Variants in IQCB1 observed in about 807,000 individuals in gnomAD.
IQCB1 encodes IQ calmodulin-binding motif-containing protein 1.
IQCB1 carries 56 observed loss-of-function variants against 84.4 expected under a neutral mutation model. The ratio of observed to expected loss-of-function variants is 0.66; its 90% confidence interval spans 0.54 to 0.83. The LOEUF (loss-of-function observed/expected upper bound fraction) is 0.83. Among genes scored for constraint, IQCB1 ranks in the 40% least tolerant of loss-of-function variants. IQCB1 has a pLI of 0.00. For synonymous variants in IQCB1, 210 were observed against 234.8 expected (o/e 0.89, Z 0.96); for missense variants, 629 against 682.1 (o/e 0.92, Z 0.87).
chr3:121,826,170 C>CA lies in IQCB1; in HGVS notation c.273dup (p.Val92CysfsTer15), dbSNP rs1201853761. Reference sequence around the variant, plus strand: ...GCATCTTCTCCTGGCTCCAAGCCCACACAGCAATGGCTGAAATAAGAGCAC... The same window carrying CA: ...GCATCTTCTCCTGGCTCCAAGCCCACAACAGCAATGGCTGAAATAAGAGCAC... On this transcript the variant is annotated frameshift_variant, in exon 5 of 15. Transcript: ENST00000310864. LOFTEE classifies it high-confidence loss of function. 6 of 1,613,902 alleles carry CA rather than the reference C, an allele frequency of 3.7e-6. No homozygotes were observed. Among genetic ancestry groups the CA allele is most frequent in the Non-Finnish European group, 5.1e-6 (6 of 1,179,840 alleles).
At position 121,799,468 on chromosome 3, in the gene IQCB1, G is replaced by A. The variant is rs77787916; in HGVS notation, c.588-94C>T. 80,484 of 776,964 alleles carry A rather than the reference G, an allele frequency of 0.1. 4,574 individuals carry two copies. The highest frequency in any genetic ancestry group is 0.16 in the South Asian group (9,799 of 62,130). 48.1% of individuals were successfully genotyped at this position (776,964 alleles called of 1,614,324 possible). On this transcript the variant is annotated intron_variant, in intron 7 of 14. Transcript: ENST00000310864. Reference sequence around the variant, plus strand: ...ATATAAGATTCAGTAACTTGATGCCGGACTGTGTCCTGATCCAAGAATATA... The same window carrying A: ...ATATAAGATTCAGTAACTTGATGCCAGACTGTGTCCTGATCCAAGAATATA...
chr3:121,824,970 A>G (rs1950411689), intron 5 of IQCB1, among the ~76,000 whole-genome samples: 1 of 152,124 alleles, frequency 6.6e-6, no homozygotes, highest in Admixed American at 6.5e-5. Context: ...ATTAAATAAA[A>G]CCTGTGCATA....
intron 5 of IQCB1, 35 bp from the exon 6 acceptor site, chr3:121,809,044 A>G (rs778658384): frequency 7.8e-6 from 10 of 1,290,176 alleles, no homozygotes. Flanking sequence ...TTACTTTTCT[A>G]TAGTTTTTTT....
In IQCB1 at chr3:121,826,192, G is replaced by A. The variant is rs376353341; in HGVS notation, c.264-12C>T. On this transcript the variant is annotated splice_polypyrimidine_tract_variant and intron_variant, in intron 4 of 14. Coordinates refer to ENST00000310864, the MANE Select transcript of IQCB1 (RefSeq NM_001023570.4). ...CCACACAGCAATGGCTGAAATAAGA[G>A]CACAAGTTCGTGTTAATTAGAAGTT... 1.2e-6 allele frequency: 2 copies of A among 1,613,086 alleles called. No individual in the cohort carries two copies. Among genetic ancestry groups the A allele is most frequent in the African/African-American group, 2.7e-5 (2 of 74,920 alleles).
chr3:121,783,417 G>T (rs949064677), intron 12 of IQCB1, among the ~76,000 whole-genome samples: 4 of 151,690 alleles, frequency 2.6e-5, no homozygotes, highest in Admixed American at 6.6e-5. Flanking sequence ...CATAATTTTA[G>T]TTAAATTAAT....
intron 5 of IQCB1, among the ~76,000 whole-genome samples, chr3:121,818,759 C>T (rs543172925): frequency 5.8e-4 from 88 of 151,880 alleles, no homozygotes; most frequent in Non-Finnish European, 1.0e-3. Flanking sequence ...AAGATGACCA[C>T]GAATAAGAAC....
At chr3:121,775,109 T>A (rs967683238) in intron 13 of IQCB1, among the ~76,000 whole-genome samples, 3 of 152,178 alleles carry the variant, frequency 2.0e-5, no homozygotes, top group Admixed American at 2.0e-4. Flanking sequence ...ATCTGTTTGT[T>A]GGAGAGGAGG....
intron 2 of IQCB1, among the ~76,000 whole-genome samples, chr3:121,832,866 A>C (rs546252857): frequency 1.3e-5 from 2 of 152,376 alleles, no homozygotes; most frequent in South Asian, 4.1e-4. Context: ...AAATGCACAC[A>C]GTAGTCATAA....
chr3:121,789,174 C>T (rs1201810203), intron 11 of IQCB1, among the ~76,000 whole-genome samples: 1 of 152,080 alleles, frequency 6.6e-6, no homozygotes, highest in African/African-American at 2.4e-5. Flanking sequence ...AGGCAGTTGG[C>T]TACAGAGGTG....
At position 121,795,335 on chromosome 3, in the gene IQCB1, A is replaced by G. The variant is rs1949135394; in HGVS notation, c.986+122T>C. 10 of 709,424 alleles carry G rather than the reference A, an allele frequency of 1.4e-5. No homozygotes were observed. In the Admixed American group the frequency reaches 1.7e-4, roughly 12 times the overall value. 43.9% of individuals were successfully genotyped at this position (709,424 alleles called of 1,614,324 possible). On this transcript the variant is annotated intron_variant, in intron 10 of 14. Coordinates refer to ENST00000310864, the MANE Select transcript of IQCB1 (RefSeq NM_001023570.4). ...AGTGTTGGTACCCAGAAACGTATGG[A>G]AAAAAAATGAAAAGATAACAAGAAA...
chr3:121,786,207 A>AGAGAAGAGAAGAGAAGAGAAGAG (rs1948730626), intron 12 of IQCB1, among the ~76,000 whole-genome samples: 3 of 146,412 alleles, frequency 2.0e-5, no homozygotes, highest in African/African-American at 7.8e-5. Flanking sequence ...AAAGAAAAGA[A>AGAGAAGAGAAGAGAAGAGAAGAG]AAGAAAAGGA....
intron 14 of IQCB1, among the ~76,000 whole-genome samples, chr3:121,772,178 TA>T (rs1204385925): frequency 6.6e-6 from 1 of 151,862 alleles, no homozygotes; most frequent in Non-Finnish European, 1.5e-5. Context: ...CGTCTCAAAA[TA>T]ATAATAAAAA....
chr3:121,795,151 T>C (rs910505741), intron 10 of IQCB1, among the ~76,000 whole-genome samples: 4 of 152,254 alleles, frequency 2.6e-5, no homozygotes, highest in Non-Finnish European at 2.9e-5. Flanking sequence ...GAAATTATGA[T>C]AACTGTTGGT....
chr3:121,823,132 A>G (rs181958783), intron 5 of IQCB1, among the ~76,000 whole-genome samples: 2 of 152,314 alleles, frequency 1.3e-5, no homozygotes, highest in African/African-American at 4.8e-5. Context: ...AGCACATTAG[A>G]CACTGTAGAA....
chr3:121,810,831 T>C (rs1949799118), intron 5 of IQCB1, among the ~76,000 whole-genome samples: 1 of 152,200 alleles, frequency 6.6e-6, no homozygotes, highest in Admixed American at 6.5e-5. Context: ...TCCTATAGTT[T>C]ATGTGGCTTC....
chr3:121,825,060 T>TC (rs34302529), intron 5 of IQCB1, among the ~76,000 whole-genome samples: 38,684 of 144,364 alleles, frequency 0.27, 5,623 homozygotes, highest in Admixed American at 0.43. Flanking sequence ...CTTTTTCTTT[T>TC]CTTTTTTTTT....
At chr3:121,782,400 C>T (rs1009210973) in intron 12 of IQCB1, among the ~76,000 whole-genome samples, 1 of 152,194 alleles carries the variant, frequency 6.6e-6, no homozygotes, top group Non-Finnish European at 1.5e-5. Flanking sequence ...CTCATGTCTT[C>T]GTAGTTTTTA....
Position 121,770,112 on chromosome 3 carries a change from C to G in IQCB1, c.*233G>C. The G allele has an allele frequency of 2.0e-6, 1 of 492,560 alleles. No individual in the cohort carries two copies. The allele number at this position is 492,560 out of a possible 1,614,324, so 30.5% of individuals were successfully genotyped here. ...ACAGAACACTATGCTAAGTTTAGTT[C>G]TACAATAAAAGCCACACAAATCTGT... On this transcript the variant is annotated 3_prime_UTR_variant, in exon 15 of 15. Transcript: ENST00000310864.
At chr3:121,832,717 C>A (rs1308520845) in intron 2 of IQCB1, among the ~76,000 whole-genome samples, 1 of 152,138 alleles carries the variant, frequency 6.6e-6, no homozygotes, top group African/African-American at 2.4e-5. Flanking sequence ...CTCTCTAACC[C>A]AAGAGATAAA....
Sources: allele counts gnomAD v4.1 joint callset (sites outside exome capture counted in the v4.1 genomes callset), GRCh38; gene constraint gnomAD v4.1.1; transcripts MANE v1.5; gene names NCBI Gene and HGNC (gene_info 2026-07-23, HGNC 2026-07-21).